HSPG2: variants seen among roughly 807,000 people sequenced by gnomAD.
HSPG2 encodes the protein basement membrane-specific heparan sulfate proteoglycan core protein.
Under a neutral mutation model 526.6 loss-of-function variants are expected in HSPG2, and 278 were observed. The ratio of observed to expected loss-of-function variants is 0.53; its 90% CI spans 0.48 to 0.58. The LOEUF (loss-of-function observed/expected upper bound fraction) is 0.58, where lower values mean the gene tolerates loss of function less well. HSPG2 is among the 20% of genes least tolerant of loss of function. The pLI, the probability that HSPG2 is intolerant of heterozygous loss-of-function variation, is 0.00. For missense variants in HSPG2, 5,354 were observed against 6,099.5 expected, an observed-to-expected ratio of 0.88 and a Z score of 4.07; for synonymous variants, 2,465 against 2,555.4, an observed-to-expected ratio of 0.96 and a Z score of 1.07.
intron 6 of HSPG2, among the ~76,000 whole-genome samples, chr1:21,888,324 C>T (rs958212663): frequency 1.3e-5 from 2 of 152,260 alleles, no homozygotes; most frequent in Admixed American, 1.3e-4. Flanking sequence ...GCAACCACCA[C>T]ACCACACACA....
chr1:21,832,461 GT>G (rs1460959756), intron 81 of HSPG2, 33 bp downstream of exon 81: 7 of 1,528,084 alleles, frequency 4.6e-6, no homozygotes, highest in Non-Finnish European at 6.4e-6. Context: ...CCTGTGTCCA[GT>G]CCCCCTGTAG....
At chr1:21,836,658 G>T in intron 75 of HSPG2, 144 bp downstream of exon 75, 1 of 741,864 alleles carries the variant, frequency 1.3e-6, no homozygotes, top group Non-Finnish European at 2.3e-6. Context: ...GTACAGCTGA[G>T]AACACTGAGG....
At chr1:21,838,154 A>AG (rs1439910574) in intron 74 of HSPG2, among the ~76,000 whole-genome samples, 2 of 134,850 alleles carry the variant, frequency 1.5e-5, no homozygotes, top group Non-Finnish European at 3.1e-5. Context: ...AAAAAAAAAA[A>AG]AAAAGAAAGA....
Position 21,839,596 on chromosome 1 carries a change from G to T in HSPG2, c.9710-46C>A. The T allele has an allele frequency of 6.2e-7, 1 of 1,603,802 alleles. No homozygotes were observed. ...TGACAGAAGTCACTGGGCTACCTCA[G>T]GGACCCGCAGAGGGTGGCCATGGTG... On this transcript the variant is annotated intron_variant, in intron 72 of 96. Coordinates refer to ENST00000374695, the MANE Select transcript of HSPG2 (RefSeq NM_005529.7). The surrounding 1 kb of genome is among the most constrained non-coding windows in gnomAD (Gnocchi z 4.5).
At chr1:21,892,294 C>T (rs779110540) in intron 3 of HSPG2, among the ~76,000 whole-genome samples, 1 of 152,250 alleles carries the variant, frequency 6.6e-6, no homozygotes, top group Non-Finnish European at 1.5e-5. Flanking sequence ...GCACAGAGGC[C>T]CATTGAGAGT....
At chr1:21,896,590 A>C (rs190462681) in intron 1 of HSPG2, among the ~76,000 whole-genome samples, 1 of 152,336 alleles carries the variant, frequency 6.6e-6, no homozygotes, top group Non-Finnish European at 1.5e-5. Context: ...TTTGGTAAGT[A>C]AAGACTCCTT....
Position 21,839,220 on chromosome 1 carries a change from C to T in HSPG2, c.9890-135G>A. 6.9e-7 allele frequency: 1 copy of T among 1,441,372 alleles called. No individual in the cohort carries two copies. Among genetic ancestry groups the T allele is most frequent in the South Asian group, 1.2e-5 (1 of 81,424 alleles). The allele number at this position is 1,441,372 out of a possible 1,614,324, so 89.3% of individuals were successfully genotyped here. A position where few individuals can be genotyped will look rare whatever the true frequency, so the allele number is the denominator to read the frequency against. ...GGATAAGGAAAGCAAAGGTCCCAGG[C>T]CAGGGTGTGGGTGTCGGGCAGGGCA... On this transcript the variant is annotated intron_variant, in intron 73 of 96. Transcript: ENST00000374695. This position sits in a 1 kb window ranked among gnomAD's most constrained non-coding sequence, Gnocchi z 4.5.
In HSPG2 at chr1:21,828,974, C is replaced by A; in HGVS notation, c.12098G>T (p.Arg4033Leu). 1 of 1,576,366 alleles carries A rather than the reference C, an allele frequency of 6.3e-7. No individual in the cohort carries two copies. Among genetic ancestry groups the A allele is most frequent in the Non-Finnish European group, 8.6e-7 (1 of 1,161,430 alleles). The part of the protein sequence containing the change: ...KDGSLRVNGG[R>L]PVLRSSPGKS... ...GCCGGGCGAGGAGCGCAGCACAGGG[C>A]GTCCACCATTCACCCGCAGGCTGCC... Residue 4033 changes from arginine to leucine, a missense_variant, in exon 88 of 97, where the codon CGC (arginine) becomes CTC (leucine). Coordinates refer to ENST00000374695, the MANE Select transcript of HSPG2 (RefSeq NM_005529.7). This position sits in a 1 kb window ranked among gnomAD's most constrained non-coding sequence, Gnocchi z 6.0.
chr1:21,933,857 C>A lies in HSPG2; in HGVS notation c.63+3298G>T, dbSNP rs1261243518. ...TGTCAGGTGACAGAGCAGCTGGCTG[C>A]GTGGAGGAGGGCTGAGGGACCGCCA... is the stretch of plus-strand genomic sequence containing the variant. On this transcript the variant is annotated intron_variant, in intron 1 of 96. Coordinates refer to ENST00000374695, the MANE Select transcript of HSPG2 (RefSeq NM_005529.7). 2.6e-5 allele frequency among the ~76,000 whole-genome samples: 4 copies of A among 152,328 alleles called. No individual in the cohort carries two copies. The East Asian group carries it at 7.7e-4, about 29-fold the overall frequency.
intron 27 of HSPG2, 24 bp downstream of exon 27, chr1:21,874,592 G>A: frequency 6.2e-7 from 1 of 1,613,858 alleles, no homozygotes; most frequent in Non-Finnish European, 8.5e-7. Context: ...TTGCTGGGGT[G>A]GGCGGAAGGA....
chr1:21,840,065 C>T, intron 71 of HSPG2, 48 bp from the exon 72 acceptor site: 1 of 1,524,418 alleles, frequency 6.6e-7, no homozygotes, highest in Non-Finnish European at 9.1e-7. Context: ...AGTGGGGACG[C>T]TGATGTCAGC....
rs954061144 is a variant in HSPG2, at chr1:21,848,593, T to C, written c.7737+50A>G. 13 of 1,600,698 alleles carry C rather than the reference T, an allele frequency of 8.1e-6. No individual in the cohort carries two copies. In the Middle Eastern group the frequency reaches 1.3e-3, roughly 158 times the overall value. On this transcript the variant is annotated intron_variant, in intron 59 of 96. Transcript: ENST00000374695. This position sits in a 1 kb window ranked among gnomAD's most constrained non-coding sequence, Gnocchi z 4.9. ...TGCTGAGAGTCCCCCCTCTTCCCAT[T>C]GGGGGCTGGTGTGCCCTGCTTTTGC... is the stretch of plus-strand genomic sequence containing the variant.
rs1229849264 is a variant in HSPG2 at position 21,847,687 on chromosome 1, A to G, written c.8025+2T>C. 6.2e-7 allele frequency: 1 copy of G among 1,606,758 alleles called. No individual in the cohort carries two copies. The highest frequency in any genetic ancestry group is 8.5e-7 in the Non-Finnish European group (1 of 1,176,854). On this transcript the variant is annotated splice_donor_variant, in intron 61 of 96. Transcript: ENST00000374695. LOFTEE classifies it high-confidence loss of function. The surrounding 1 kb of genome is among the most constrained non-coding windows in gnomAD (Gnocchi z 4.1). Reference sequence around the variant, plus strand: ...CCCCGCTGCTGTGGCTCCACTCTGTACCTGGTGTCGGGAGGGAAGGCTGCC... The same window carrying G: ...CCCCGCTGCTGTGGCTCCACTCTGTGCCTGGTGTCGGGAGGGAAGGCTGCC...
chr1:21,915,338 C>T (rs920878784), intron 1 of HSPG2, among the ~76,000 whole-genome samples: 1 of 152,224 alleles, frequency 6.6e-6, no homozygotes, highest in African/African-American at 2.4e-5. Flanking sequence ...GTGGGAATTT[C>T]GGAGCCCGGA....
chr1:21,878,626 C>A lies in HSPG2; in HGVS notation c.2509G>T (p.Ala837Ser). Reference sequence around the variant, plus strand: ...CCTGGGGCACAGGCGTCACATGTGGCTTGGCCATCCGTGTCCAGGAAGCAA... The same window carrying A: ...CCTGGGGCACAGGCGTCACATGTGGATTGGCCATCCGTGTCCAGGAAGCAA... ...DTCFLDTDGQ[A>S]TCDACAPGYT... Residue 837 changes from alanine (A) to serine (S), a missense_variant, in exon 19 of 97, where the codon GCC becomes TCC. By Grantham distance (99) the Ala-to-Ser change is moderately conservative. Coordinates refer to ENST00000374695, the MANE Select transcript of HSPG2 (RefSeq NM_005529.7). The A allele has an allele frequency of 6.2e-7, 1 of 1,614,138 alleles. No individual in the cohort carries two copies. The highest frequency in any genetic ancestry group is 8.5e-7 in the Non-Finnish European group (1 of 1,180,040).
chr1:21,824,071 C>T lies in HSPG2; in HGVS notation c.12899+50G>A. ...TGCCCATGGTAGGGGGCGTCCTGCC[C>T]CACTCCAGAACGCTGGGCCCCATCC... On this transcript the variant is annotated intron_variant, in intron 95 of 96. Transcript: ENST00000374695. This position sits in a 1 kb window ranked among gnomAD's most constrained non-coding sequence, Gnocchi z 5.9. The T allele has an allele frequency of 6.6e-7, 1 of 1,522,850 alleles. No individual in the cohort carries two copies. Among genetic ancestry groups the T allele is most frequent in the Non-Finnish European group, 9.0e-7 (1 of 1,106,632 alleles). The allele number at this position is 1,522,850 out of a possible 1,614,324, so 94.3% of individuals were successfully genotyped here.
intron 1 of HSPG2, among the ~76,000 whole-genome samples, chr1:21,925,168 G>T (rs1042505798): frequency 6.6e-6 from 1 of 152,218 alleles, no homozygotes; most frequent in African/African-American, 2.4e-5. Flanking sequence ...CATAACCCCA[G>T]ATGTACAGGG....
rs967384700 is a variant in HSPG2 at position 21,849,023 on chromosome 1, G to C, written c.7455C>G (p.Gly2485=). The change falls in exon 58 of 97, where the codon GGC becomes GGG. Residue 2485 remains glycine (G), a synonymous_variant. Transcript: ENST00000374695. ...GSLPARHQVH[G]SRLRLLQVTP... ...TCACCTGGAGCAGGCGTAGCCTCGA[G>C]CCATGCACCTGGGAGGGTCAGGAGG... 2 of 1,613,896 alleles carry C rather than the reference G, an allele frequency of 1.2e-6. No homozygotes were observed. The highest frequency in any genetic ancestry group is 1.7e-6 in the Non-Finnish European group (2 of 1,180,016).
chr1:21,888,796 A>G (rs1642141249), intron 6 of HSPG2: 1 of 1,060,204 alleles, frequency 9.4e-7, no homozygotes, highest in Admixed American at 2.3e-5. Flanking sequence ...GCCACATTCC[A>G]CCATCCCTAG....
Sources: allele counts gnomAD v4.1 joint callset (sites outside exome capture counted in the v4.1 genomes callset), GRCh38; gene constraint gnomAD v4.1.1; non-coding constraint Gnocchi (gnomAD v3.1); transcripts MANE v1.5; gene names NCBI Gene and HGNC (gene_info 2026-07-23, HGNC 2026-07-21).